ADCK5: variants seen among roughly 807,000 people sequenced by gnomAD.
The protein encoded by ADCK5 is aarF domain containing kinase 5, also known as uncharacterized aarF domain-containing protein kinase 5.
In ADCK5, 43 loss-of-function variants were observed where a neutral mutation model predicts 64.9. The observed-to-expected ratio is 0.66, with a 90% CI of 0.52 to 0.85. The LOEUF is 0.85. ADCK5 is among the 40% of genes least tolerant of loss of function. The probability of loss-of-function intolerance (pLI) is 0.00; values close to 1 mark genes in which losing one functional copy is unlikely to be tolerated. For missense variants in ADCK5, 760 were observed against 810.5 expected, an observed-to-expected ratio of 0.94 and a Z score of 0.76; for synonymous variants, 434 against 342.8, an observed-to-expected ratio of 1.27 and a Z score of -2.94.
chr8:144,392,441 C>CTCCT lies in ADCK5; in HGVS notation c.1268-4_1268-3insTCCT. 6 of 1,503,490 alleles carry CTCCT rather than the reference C, an allele frequency of 4.0e-6. No individual in the cohort carries two copies. Among genetic ancestry groups the CTCCT allele is most frequent in the Non-Finnish European group, 5.3e-6 (6 of 1,125,912 alleles). The allele number at this position is 1,503,490 out of a possible 1,614,324, so 93.1% of individuals were successfully genotyped here. Reference sequence around the variant, plus strand: ...CCTCCCTCCCTCCCTCCCTCCCTCCCCAGACTACCTCCTGTTCGCCGAGAT... The same window carrying CTCCT: ...CCTCCCTCCCTCCCTCCCTCCCTCCCTCCTCAGACTACCTCCTGTTCGCCGAGAT... On this transcript the variant is annotated splice_region_variant and splice_polypyrimidine_tract_variant and intron_variant, in intron 12 of 14. Coordinates refer to ENST00000308860, the MANE Select transcript of ADCK5 (RefSeq NM_174922.5).
chr8:144,392,509 G>A lies in ADCK5; in HGVS notation c.1332G>A (p.Ser444=), dbSNP rs782497875. 5 of 1,540,634 alleles carry A rather than the reference G, an allele frequency of 3.2e-6. No homozygotes were observed. The highest frequency in any genetic ancestry group is 2.4e-5 in the East Asian group (1 of 41,032). Reference sequence around the variant, plus strand: ...TGCGCCTGGGGCAGCTGTGGGGCTCGCACCTACTGAGCCGCGAAGAGGCGG... The same window carrying A: ...TGCGCCTGGGGCAGCTGTGGGGCTCACACCTACTGAGCCGCGAAGAGGCGG... ...RPVRLGQLWG[S]HLLSREEAAY... Residue 444 remains serine (S), a synonymous_variant, in exon 13 of 15, where the codon TCG becomes TCA. Transcript: ENST00000308860.
At chr8:144,392,730 TG>T in intron 13 of ADCK5, 33 bp downstream of exon 13, 1 of 1,588,122 alleles carries the variant, frequency 6.3e-7, no homozygotes. Flanking sequence ...CGGGCCGTGG[TG>T]GGGCTGGTGT....
In ADCK5 at chr8:144,391,011, C is replaced by A. The variant is rs782182364; in HGVS notation, c.498C>A (p.Thr166=). 56 of 1,612,972 alleles carry A rather than the reference C, an allele frequency of 3.5e-5. 1 individual carries two copies. In the East Asian group the frequency reaches 1.2e-3, roughly 35 times the overall value. Residue 166 remains threonine, a synonymous_variant, in exon 5 of 15, where the codon ACC becomes ACA. Coordinates refer to ENST00000308860, the MANE Select transcript of ADCK5 (RefSeq NM_174922.5). ...TGCTTCCCCCCGAGTATACCCGGAC[C>A]CTGCGCGTGCTAGAGGACAGGGCCC... ...NHLLPPEYTR[T]LRVLEDRALK...
intron 3 of ADCK5, 108 bp from the exon 4 acceptor site, chr8:144,390,563 T>C: frequency 8.2e-7 from 1 of 1,213,114 alleles, no homozygotes; most frequent in Middle Eastern, 2.5e-4. Flanking sequence ...CCTTGGGACA[T>C]GAAGGGCTGG....
intron 1 of ADCK5, among the ~76,000 whole-genome samples, chr8:144,375,095 T>C (rs11994944): frequency 0.041 from 6,292 of 152,324 alleles, 458 homozygotes; most frequent in African/African-American, 0.14. Context: ...CCCAGGGTGC[T>C]TCATGGGCCG....
In ADCK5 at chr8:144,392,497, G is replaced by C; in HGVS notation, c.1320G>C (p.Gln440His). The C allele has an allele frequency of 6.5e-7, 1 of 1,535,906 alleles. No individual in the cohort carries two copies. The highest frequency in any genetic ancestry group is 8.7e-7 in the Non-Finnish European group (1 of 1,145,968). ...MLMQRPVRLG[Q>H]LWGSHLLSRE... ...TGCAGCGCCCCGTGCGCCTGGGGCA[G>C]CTGTGGGGCTCGCACCTACTGAGCC... Residue 440 changes from glutamine to histidine, a missense_variant, in exon 13 of 15, where the codon CAG becomes CAC. By Grantham distance (24) the Gln-to-His change is conservative. Coordinates refer to ENST00000308860, the MANE Select transcript of ADCK5 (RefSeq NM_174922.5).
intron 3 of ADCK5, among the ~76,000 whole-genome samples, chr8:144,388,315 C>T (rs535432363): frequency 6.7e-6 from 1 of 148,460 alleles, no homozygotes; most frequent in Non-Finnish European, 1.5e-5. Context: ...CTAGACTGTG[C>T]CACTGCACTC....
At chr8:144,388,401 C>G (rs545612633) in intron 3 of ADCK5, among the ~76,000 whole-genome samples, 2 of 151,418 alleles carry the variant, frequency 1.3e-5, no homozygotes, top group African/African-American at 4.8e-5. Flanking sequence ...AAGCACAAGT[C>G]TGTGGGACTT....
At chr8:144,391,545 G>A in intron 7 of ADCK5, 35 bp from the exon 8 acceptor site, 3 of 1,585,586 alleles carry the variant, frequency 1.9e-6, no homozygotes, top group Non-Finnish European at 1.7e-6. Context: ...CAGCTGGTAG[G>A]CAGAGCTGGT....
intron 1 of ADCK5, among the ~76,000 whole-genome samples, chr8:144,377,157 C>T (rs62530401): frequency 7.2e-5 from 11 of 152,218 alleles, no homozygotes; most frequent in South Asian, 2.1e-4. Flanking sequence ...GAAGAGCTCT[C>T]AGTTGGGGAA....
chr8:144,388,590 CCA>C (rs1820043150), intron 3 of ADCK5, among the ~76,000 whole-genome samples: 2 of 151,848 alleles, frequency 1.3e-5, no homozygotes, highest in Non-Finnish European at 2.9e-5. Context: ...CGGTGAAACC[CCA>C]TCTCTACTAA....
At chr8:144,387,957 C>G (rs547713921) in intron 3 of ADCK5, among the ~76,000 whole-genome samples, 1 of 151,448 alleles carries the variant, frequency 6.6e-6, no homozygotes, top group Admixed American at 6.6e-5. Context: ...GTCTTGAACT[C>G]CTGACCTCAG....
intron 1 of ADCK5, among the ~76,000 whole-genome samples, chr8:144,378,537 C>T (rs1333483970): frequency 2.0e-5 from 3 of 152,066 alleles, no homozygotes; most frequent in Non-Finnish European, 4.4e-5. Flanking sequence ...CTGTAAGTTT[C>T]CTGAGGCCTC....
Position 144,374,082 on chromosome 8 carries a change from A to C in ADCK5, c.-14A>C. Reference sequence around the variant, plus strand: ...GCGGCGCCGGGCGGGAGAAGAGCGGAGCAGTGGTCGGAGATGTGGCGACCG... The same window carrying C: ...GCGGCGCCGGGCGGGAGAAGAGCGGCGCAGTGGTCGGAGATGTGGCGACCG... On this transcript the variant is annotated 5_prime_UTR_variant, in exon 1 of 15. Coordinates refer to ENST00000308860, the MANE Select transcript of ADCK5 (RefSeq NM_174922.5). 8.0e-7 allele frequency: 1 copy of C among 1,247,608 alleles called. No homozygotes were observed. Among genetic ancestry groups the C allele is most frequent in the South Asian group, 4.1e-5 (1 of 24,544 alleles). 77.3% of individuals were successfully genotyped at this position (1,247,608 alleles called of 1,614,324 possible). A position where few individuals can be genotyped will look rare whatever the true frequency, so the allele number is the denominator to read the frequency against.
intron 3 of ADCK5, 144 bp from the exon 4 acceptor site, chr8:144,390,527 T>A (rs1257975870): frequency 1.2e-6 from 1 of 857,370 alleles, no homozygotes; most frequent in Non-Finnish European, 1.9e-6. Flanking sequence ...TACGCGGCTG[T>A]AGGCTGGACC....
rs191931174 is a variant in ADCK5 at position 144,388,560 on chromosome 8, C to G, written c.267-2111C>G. Among the ~76,000 whole-genome samples, 225 of 152,000 alleles carry G rather than the reference C, an allele frequency of 1.5e-3. 1 individual carries two copies. The highest frequency in any genetic ancestry group is 5.1e-3 in the African/African-American group (210 of 41,482). The stretch of plus-strand genomic sequence containing the variant: ...TGGGCGGATCACGAGGTCGGGAGAT[C>G]GAGACCATCCTGGCCAACACGGTGA... On this transcript the variant is annotated intron_variant, in intron 3 of 14. Coordinates refer to ENST00000308860, the MANE Select transcript of ADCK5 (RefSeq NM_174922.5).
In ADCK5 at chr8:144,392,334, T is replaced by TGGGGTGCAAGGTGA. The variant is rs1554420076; in HGVS notation, c.1260_1261insTGCAAGGTGAGGGG (p.Val421CysfsTer32). ...GCCATGAGGGCGCACGCAGCCGCACTGGGGGTGCAAGGTGAGGGCGTGCGG... is the reference window on the plus strand; with the variant it reads ...GCCATGAGGGCGCACGCAGCCGCACTGGGGTGCAAGGTGAGGGGGTGCAAGGTGAGGGCGTGCGG... On this transcript the variant is annotated frameshift_variant, in exon 12 of 15. Coordinates refer to ENST00000308860, the MANE Select transcript of ADCK5 (RefSeq NM_174922.5). LOFTEE classifies it high-confidence loss of function. 2 of 1,476,832 alleles carry TGGGGTGCAAGGTGA rather than the reference T, an allele frequency of 1.4e-6. No individual in the cohort carries two copies. The highest frequency in any genetic ancestry group is 1.8e-6 in the Non-Finnish European group (2 of 1,115,136). The allele number at this position is 1,476,832 out of a possible 1,614,324, so 91.5% of individuals were successfully genotyped here.
At chr8:144,377,650 T>TG (rs1360024630) in intron 1 of ADCK5, among the ~76,000 whole-genome samples, 4 of 152,202 alleles carry the variant, frequency 2.6e-5, no homozygotes, top group Admixed American at 2.0e-4. Flanking sequence ...GCCTGACCCT[T>TG]GGGACTTCTT....
intron 3 of ADCK5, among the ~76,000 whole-genome samples, chr8:144,388,754 C>T (rs564574305): frequency 6.6e-6 from 1 of 150,872 alleles, no homozygotes; most frequent in African/African-American, 2.4e-5. Context: ...CAGAGCGAGA[C>T]TCCGTCTCCA....
Sources: gnomAD v4.1 joint callset for allele counts (sites outside exome capture counted in the v4.1 genomes callset) on GRCh38, gnomAD v4.1.1 for gene constraint, MANE v1.5 for transcripts, NCBI Gene and HGNC (gene_info 2026-07-23, HGNC 2026-07-21) for gene names.